Variants in FGF14 observed in about 807,000 individuals in gnomAD.
FGF14 encodes the protein fibroblast growth factor homologous factor 4.
Under a neutral mutation model 25.5 loss-of-function variants are expected in FGF14, and 5 were observed. That is an observed-to-expected ratio of 0.20 (90% CI 0.10 to 0.41). The LOEUF (loss-of-function observed/expected upper bound fraction) is 0.41, where lower values mean the gene tolerates loss of function less well. FGF14 is among the 10% of genes least tolerant of loss of function. The pLI is 1.00. For synonymous variants in FGF14, 138 were observed against 118.3 expected (o/e 1.17, Z -1.08); for missense variants, 222 against 320.1 (o/e 0.69, Z 2.34).
chr13:102,125,064 GT>G (rs377448860), intron 1 of FGF14, among the ~76,000 whole-genome samples: 8 of 152,106 alleles, frequency 5.3e-5, no homozygotes, highest in African/African-American at 1.9e-4. Context: ...CACTGTTATT[GT>G]TTTTTGTTTA....
rs530591958 is a variant in FGF14, at chr13:101,864,163, G to A, written c.408+4562C>T. Among the ~76,000 whole-genome samples the A allele has an allele frequency of 1.8e-4, 28 of 152,234 alleles. No individual in the cohort carries two copies. The South Asian group carries it at 3.1e-3, about 17-fold the overall frequency. On this transcript the variant is annotated intron_variant, in intron 3 of 4. Transcript: ENST00000376143. ...TTATCCTGTATGGATAGGTAGGAGA[G>A]GTGATGCCAGCCCACAGAGATGACC...
intron 1 of FGF14, among the ~76,000 whole-genome samples, chr13:102,065,092 A>T (rs1283404668): frequency 6.6e-6 from 1 of 152,108 alleles, no homozygotes; most frequent in African/African-American, 2.4e-5. Flanking sequence ...GTTCCAAATA[A>T]TATTATTATT....
At position 101,916,492 on chromosome 13, in the gene FGF14, G is replaced by A. The variant is rs987890018; in HGVS notation, c.154C>T (p.Arg52Cys). 52 of 1,613,826 alleles carry A rather than the reference G, an allele frequency of 3.2e-5. No individual in the cohort carries two copies. The highest frequency in any genetic ancestry group is 4.2e-5 in the Non-Finnish European group (50 of 1,179,942). Residue 52 changes from arginine to cysteine, a missense_variant, in exon 1 of 5, where the codon CGC becomes TGC. Around this residue, in one of 5 missense-constraint regions of FGF14, gnomAD observed 80 missense variants for 72.2 expected, o/e 1.11. Transcript: ENST00000376143. ...GNLVDIFSKV[R>C]IFGLKKRRLR... ...CTGCGCTTCTTGAGGCCGAAGATGC[G>A]CACTTTGGAGAAGATATCCACCAGG... is the stretch of plus-strand genomic sequence containing the variant.
chr13:102,069,023 G>GT (rs1166085092), intron 1 of FGF14, among the ~76,000 whole-genome samples: 4 of 152,210 alleles, frequency 2.6e-5, no homozygotes, highest in Non-Finnish European at 2.9e-5. Context: ...CTCAAGGTTT[G>GT]TAGTGCACCA....
intron 1 of FGF14, among the ~76,000 whole-genome samples, chr13:102,150,027 G>A (rs1041496659): frequency 1.1e-4 from 17 of 152,154 alleles, no homozygotes; most frequent in African/African-American, 3.6e-4. Flanking sequence ...GGATCTTTAG[G>A]GCATGTCTTA....
At chr13:102,006,727 CTTTTTTTTTTTT>C (rs774872814) in intron 1 of FGF14, among the ~76,000 whole-genome samples, 9 of 61,964 alleles carry the variant, frequency 1.5e-4, no homozygotes, top group Admixed American at 2.6e-4. Flanking sequence ...AATCTTACTT[CTTTTTTTTTTTT>C]TTTTTTTTTT....
intron 1 of FGF14, chr13:102,293,787 G>A (rs1168705191): frequency 6.6e-6 from 1 of 152,064 alleles, no homozygotes; most frequent in Non-Finnish European, 1.5e-5. Flanking sequence ...AAGAAGAAAA[G>A]AACAATGGCT....
chr13:102,088,650 G>C (rs908217449), intron 1 of FGF14, among the ~76,000 whole-genome samples: 1 of 151,978 alleles, frequency 6.6e-6, no homozygotes, highest in African/African-American at 2.4e-5. Context: ...ATACAAATAT[G>C]TATTAAACTG....
At chr13:101,782,798 T>C (rs2039585546) in intron 3 of FGF14, among the ~76,000 whole-genome samples, 1 of 152,212 alleles carries the variant, frequency 6.6e-6, no homozygotes, top group Admixed American at 6.5e-5. Flanking sequence ...TAGATGGGCA[T>C]TTAGGTTGAT....
chr13:101,958,386 CT>C (rs2139439120), intron 1 of FGF14, among the ~76,000 whole-genome samples: 1 of 152,290 alleles, frequency 6.6e-6, no homozygotes, highest in East Asian at 1.9e-4. Flanking sequence ...TTCATCACTC[CT>C]TTACTTTCCT....
At chr13:102,096,201 A>C (rs1289655035) in intron 1 of FGF14, among the ~76,000 whole-genome samples, 1 of 152,056 alleles carries the variant, frequency 6.6e-6, no homozygotes, top group Non-Finnish European at 1.5e-5. Context: ...ATGAACAATA[A>C]GTTATAGAGT....
rs181756974 is a variant in FGF14, at chr13:101,870,821, G to C, written c.305-1993C>G. Reference sequence around the variant, plus strand: ...ATACAAAATTAGCCAGGCGTGGTGGGGCATGCCTGTAATCCCAGCTACTCA... The same window carrying C: ...ATACAAAATTAGCCAGGCGTGGTGGCGCATGCCTGTAATCCCAGCTACTCA... On this transcript the variant is annotated intron_variant, in intron 2 of 4. Transcript: ENST00000376143. 6.6e-3 allele frequency among the ~76,000 whole-genome samples: 999 copies of C among 152,004 alleles called. 10 individuals carry two copies. The highest frequency in any genetic ancestry group is 0.013 in the South Asian group (64 of 4,798).
intron 1 of FGF14, among the ~76,000 whole-genome samples, chr13:102,142,757 T>A (rs1262322719): frequency 2.0e-5 from 3 of 152,210 alleles, no homozygotes; most frequent in Admixed American, 6.5e-5. Context: ...TAATTCACAG[T>A]AGCATCAAGA....
At chr13:102,081,090 C>A (rs2043597010) in intron 1 of FGF14, among the ~76,000 whole-genome samples, 1 of 152,090 alleles carries the variant, frequency 6.6e-6, no homozygotes, top group Non-Finnish European at 1.5e-5. Flanking sequence ...TAGCAGGAGG[C>A]AAAATAGTAA....
intron 1 of FGF14, among the ~76,000 whole-genome samples, chr13:101,937,446 C>T (rs2035177393): frequency 6.6e-6 from 1 of 152,154 alleles, no homozygotes; most frequent in Non-Finnish European, 1.5e-5. Context: ...GTTGTGCACA[C>T]ACAGAGATGA....
chr13:101,904,104 A>G lies in FGF14; in HGVS notation c.193+12349T>C, dbSNP rs568646395. Among the ~76,000 whole-genome samples the G allele has an allele frequency of 1.1e-4, 16 of 152,348 alleles. No homozygotes were observed. In the South Asian group the frequency reaches 3.3e-3, roughly 32 times the overall value. The stretch of plus-strand genomic sequence containing the variant: ...AAGAACTGAAAGCTGAGAGGCATCT[A>G]TCAAATTGTCTTGTTCAATGGGTTC... On this transcript the variant is annotated intron_variant, in intron 1 of 4. Coordinates refer to ENST00000376143, the MANE Select transcript of FGF14 (RefSeq NM_004115.4).
chr13:102,125,102 G>T (rs927579055), intron 1 of FGF14, among the ~76,000 whole-genome samples: 1 of 151,968 alleles, frequency 6.6e-6, no homozygotes, highest in African/African-American at 2.4e-5. Context: ...TTAAACTGTG[G>T]ATTGCTTCAT....
intron 1 of FGF14, among the ~76,000 whole-genome samples, chr13:102,341,694 A>G (rs1594897579): frequency 6.6e-6 from 1 of 152,074 alleles, no homozygotes; most frequent in African/African-American, 2.4e-5. Flanking sequence ...CTTCCTATGA[A>G]TAAGACAGAA....
chr13:101,989,817 GTTAA>G (rs928358569), intron 1 of FGF14, among the ~76,000 whole-genome samples: 15 of 152,196 alleles, frequency 9.9e-5, no homozygotes, highest in African/African-American at 3.1e-4. Context: ...TTTTGTAGGA[GTTAA>G]TTAGAGACTT....
Sources: gnomAD v4.1 joint callset for allele counts (sites outside exome capture counted in the v4.1 genomes callset) on GRCh38, gnomAD v4.1.1 for gene constraint, gnomAD v4.1.1 regional missense constraint, MANE v1.5 for transcripts, NCBI Gene and HGNC (gene_info 2026-07-23, HGNC 2026-07-21) for gene names.